CNTN6: variants seen among roughly 807,000 people sequenced by gnomAD.
CNTN6 encodes contactin 6.
CNTN6 carries 137 observed loss-of-function variants against 122.8 expected under a neutral mutation model. The observed-to-expected ratio is 1.12, with a 90% confidence interval of 0.97 to 1.29. The LOEUF is 1.29. Ranked by LOEUF, CNTN6 falls within the 50% of genes most tolerant of loss-of-function variation. The probability of loss-of-function intolerance (pLI) is 0.00; values close to 1 mark genes in which losing one functional copy is unlikely to be tolerated. For missense variants in CNTN6, 1,634 were observed against 1,223.4 expected (o/e 1.34, Z -5.01); for synonymous variants, 570 against 426.0 (o/e 1.34, Z -4.16).
rs1700875492 is a variant in CNTN6 at position 1,321,706 on chromosome 3, T to C, written c.818T>C (p.Val273Ala). ...RLDGSPLPGK[V>A]KYSKSQAILE... ...GACGGGAGCCCGTTGCCAGGGAAAGTCAAGTACAGCAAATCCCAAGCTATC... is the reference window on the plus strand; with the variant it reads ...GACGGGAGCCCGTTGCCAGGGAAAGCCAAGTACAGCAAATCCCAAGCTATC... The change falls in exon 8 of 23, where the codon GTC becomes GCC. Residue 273 changes from valine to alanine, a missense_variant. By Grantham distance (64) the Val-to-Ala change is moderately conservative. Coordinates refer to ENST00000446702, the MANE Select transcript of CNTN6 (RefSeq NM_001289080.2). 1.9e-6 allele frequency: 3 copies of C among 1,611,616 alleles called. No homozygotes were observed. Among genetic ancestry groups the C allele is most frequent in the East Asian group, 2.2e-5 (1 of 44,806 alleles).
chr3:1,382,195 G>A (rs978141328), intron 17 of CNTN6, among the ~76,000 whole-genome samples: 2 of 151,854 alleles, frequency 1.3e-5, no homozygotes, highest in Admixed American at 6.6e-5. Flanking sequence ...CAGGAGATAT[G>A]TTGGTCTAAA....
At chr3:1,321,187 A>G (rs974271533) in intron 7 of CNTN6, among the ~76,000 whole-genome samples, 1 of 151,736 alleles carries the variant, frequency 6.6e-6, no homozygotes, top group Non-Finnish European at 1.5e-5. Context: ...CTTAGAAACT[A>G]TAAATATATA....
At chr3:1,096,426 G>A (rs1298528540) in intron 1 of CNTN6, among the ~76,000 whole-genome samples, 2 of 152,088 alleles carry the variant, frequency 1.3e-5, no homozygotes, top group African/African-American at 2.4e-5. Flanking sequence ...TGGCCAAATT[G>A]TGGTTATCTT....
chr3:1,331,344 G>GAATA (rs1702259739), intron 11 of CNTN6, among the ~76,000 whole-genome samples: 2 of 151,940 alleles, frequency 1.3e-5, no homozygotes, highest in Non-Finnish European at 2.9e-5. Flanking sequence ...TGGAATAAAT[G>GAATA]AATGAATCAA....
chr3:1,263,253 C>T (rs1345130369), intron 4 of CNTN6, among the ~76,000 whole-genome samples: 2 of 152,166 alleles, frequency 1.3e-5, no homozygotes, highest in Admixed American at 6.5e-5. Flanking sequence ...TTCATTCAAG[C>T]ACAGATTTAT....
At chr3:1,175,367 C>T (rs574351824) in intron 2 of CNTN6, among the ~76,000 whole-genome samples, 6 of 150,612 alleles carry the variant, frequency 4.0e-5, no homozygotes, top group Middle Eastern at 3.5e-3. Context: ...TGATTAGATA[C>T]AGTGGAGAAG....
chr3:1,386,763 A>T (rs1029000301), intron 20 of CNTN6, among the ~76,000 whole-genome samples: 1 of 152,002 alleles, frequency 6.6e-6, no homozygotes, highest in Non-Finnish European at 1.5e-5. Context: ...TTTGAGAAAG[A>T]CTAAGACAAA....
At chr3:1,138,429 T>G (rs2092534997) in intron 1 of CNTN6, among the ~76,000 whole-genome samples, 1 of 152,166 alleles carries the variant, frequency 6.6e-6, no homozygotes, top group Non-Finnish European at 1.5e-5. Flanking sequence ...TTTAAGCAGG[T>G]CATTTTTAAA....
intron 2 of CNTN6, among the ~76,000 whole-genome samples, chr3:1,217,182 A>G (rs1435726310): frequency 6.6e-6 from 1 of 152,210 alleles, no homozygotes; most frequent in Admixed American, 6.5e-5. Context: ...GTTCTTAACC[A>G]GTAGCTCTAT....
intron 4 of CNTN6, among the ~76,000 whole-genome samples, chr3:1,241,589 C>T (rs1317657351): frequency 6.6e-6 from 1 of 151,986 alleles, no homozygotes; most frequent in Non-Finnish European, 1.5e-5. Flanking sequence ...TTGGGAGGAC[C>T]CAGGACATCC....
rs1031002034 is a variant in CNTN6, at chr3:1,106,964, TTATC to T, written c.-83+13858_-83+13861del. Among the ~76,000 whole-genome samples, 46 of 152,232 alleles carry T rather than the reference TTATC, an allele frequency of 3.0e-4. 1 individual carries two copies. The highest frequency in any genetic ancestry group is 1.5e-3 in the Admixed American group (23 of 15,290). ...GAGAAATAGAACGAATAGTGCCACA[TTATC>T]TATCTATCTATCTCTCTAAATATAT... is the stretch of plus-strand genomic sequence containing the variant. On this transcript the variant is annotated intron_variant, in intron 1 of 22. Transcript: ENST00000446702.
intron 2 of CNTN6, among the ~76,000 whole-genome samples, chr3:1,152,198 G>A (rs1430952551): frequency 1.3e-5 from 2 of 151,872 alleles, no homozygotes; most frequent in Non-Finnish European, 2.9e-5. Context: ...GAGTGCAGTG[G>A]CGTGATATCA....
At chr3:1,382,821 TA>T in intron 17 of CNTN6, 120 bp from the exon 18 acceptor site, 1 of 697,330 alleles carries the variant, frequency 1.4e-6, no homozygotes, top group Non-Finnish European at 2.4e-6. Context: ...AATACATCAT[TA>T]AACAGAATAA....
At chr3:1,358,628 C>G (rs1366939499) in intron 12 of CNTN6, among the ~76,000 whole-genome samples, 1 of 151,990 alleles carries the variant, frequency 6.6e-6, no homozygotes, top group East Asian at 1.9e-4. Context: ...AAAAAATAAT[C>G]ACATGAATCA....
rs80285142 is a variant in CNTN6, at chr3:1,176,530, C to G, written c.55+28467C>G. Among the ~76,000 whole-genome samples, 1,096 of 152,020 alleles carry G rather than the reference C, an allele frequency of 7.2e-3. 16 individuals are homozygous for G. The highest frequency in any genetic ancestry group is 0.026 in the African/African-American group (1,063 of 41,468). Reference sequence around the variant, plus strand: ...TGGAGAAATATTAGCCACAAAGATACGAGGCAAACTAGGGAGTATGGAATC... The same window carrying G: ...TGGAGAAATATTAGCCACAAAGATAGGAGGCAAACTAGGGAGTATGGAATC... On this transcript the variant is annotated intron_variant, in intron 2 of 22. Coordinates refer to ENST00000446702, the MANE Select transcript of CNTN6 (RefSeq NM_001289080.2).
In CNTN6 at chr3:1,383,165, C is replaced by A. The variant is rs890087455; in HGVS notation, c.2390C>A (p.Ser797Tyr). Reference sequence around the variant, plus strand: ...CTGAGTACTGTGACCATTGTCTACTCTGGGGAAGATGGTAAGTTGTCCTCA... The same window carrying A: ...CTGAGTACTGTGACCATTGTCTACTATGGGGAAGATGGTAAGTTGTCCTCA... ...GSLSTVTIVYSGEDEPQLAPR... is the reference protein window; with the variant it reads ...GSLSTVTIVYYGEDEPQLAPR... Residue 797 changes from serine to tyrosine, a missense_variant, in exon 18 of 23, where the codon TCT becomes TAT. Coordinates refer to ENST00000446702, the MANE Select transcript of CNTN6 (RefSeq NM_001289080.2). The A allele has an allele frequency of 1.2e-6, 2 of 1,612,510 alleles. No homozygotes were observed. Among genetic ancestry groups the A allele is most frequent in the Non-Finnish European group, 8.5e-7 (1 of 1,178,632 alleles).
chr3:1,244,690 C>A (rs9867347), intron 4 of CNTN6, among the ~76,000 whole-genome samples: 8 of 152,068 alleles, frequency 5.3e-5, no homozygotes, highest in African/African-American at 1.9e-4. Flanking sequence ...TTTATTTCAC[C>A]TGGGTGCAGG....
intron 1 of CNTN6, among the ~76,000 whole-genome samples, chr3:1,119,658 C>A (rs1319601176): frequency 7.4e-6 from 1 of 134,844 alleles, no homozygotes; most frequent in African/African-American, 3.9e-5. Flanking sequence ...ATTTTTCTAC[C>A]CTTTCCTTTA....
intron 5 of CNTN6, among the ~76,000 whole-genome samples, chr3:1,295,005 C>G (rs1193196743): frequency 1.3e-5 from 2 of 152,124 alleles, no homozygotes; most frequent in Non-Finnish European, 2.9e-5. Context: ...GTAATCCTAG[C>G]ACTTTGGGAG....
Sources: allele counts gnomAD v4.1 joint callset (sites outside exome capture counted in the v4.1 genomes callset), GRCh38; gene constraint gnomAD v4.1.1; transcripts MANE v1.5; gene names NCBI Gene and HGNC (gene_info 2026-07-23, HGNC 2026-07-21).